GAS7: variants seen among roughly 807,000 people sequenced by gnomAD.
GAS7 encodes the protein growth arrest specific 7, also known as growth arrest-specific protein 7.
Under a neutral mutation model 71.1 loss-of-function variants are expected in GAS7, and 28 were observed. The observed-to-expected ratio is 0.39, with a 90% CI of 0.29 to 0.54. The LOEUF (loss-of-function observed/expected upper bound fraction) is 0.54. Among genes scored for constraint, GAS7 ranks in the 20% least tolerant of loss-of-function variants. The probability of loss-of-function intolerance (pLI) is 0.62; values close to 1 mark genes in which losing one functional copy is unlikely to be tolerated. For missense variants in GAS7, 436 were observed against 627.8 expected (o/e 0.69, Z 3.27); for synonymous variants, 258 against 245.8 (o/e 1.05, Z -0.46).
intron 1 of GAS7, among the ~76,000 whole-genome samples, chr17:10,127,106 G>A (rs957730233): frequency 6.6e-6 from 1 of 152,188 alleles, no homozygotes; most frequent in Non-Finnish European, 1.5e-5. Context: ...AATTGGGAGA[G>A]TGTGGATTTC....
chr17:9,980,031 C>T (rs1416427654), intron 3 of GAS7, among the ~76,000 whole-genome samples: 1 of 151,872 alleles, frequency 6.6e-6, no homozygotes, highest in Admixed American at 6.6e-5. Context: ...GCCCCATGTC[C>T]CTCCCACACA....
rs577352714 is a variant in GAS7 at position 9,967,696 on chromosome 17, A to G, written c.471+1981T>C. Among the ~76,000 whole-genome samples, 4 of 152,184 alleles carry G rather than the reference A, an allele frequency of 2.6e-5. No individual in the cohort carries two copies. The South Asian group carries it at 8.3e-4, about 32-fold the overall frequency. On this transcript the variant is annotated intron_variant, in intron 4 of 13. Coordinates refer to ENST00000432992, the MANE Select transcript of GAS7 (RefSeq NM_201433.2). ...CAGAAGCATGCTTGCTAATGGCTGC[A>G]TAGTATCACTGGCTAACCTCCAGCG...
chr17:10,145,815 C>T (rs1156929166), intron 1 of GAS7, among the ~76,000 whole-genome samples: 1 of 152,204 alleles, frequency 6.6e-6, no homozygotes, highest in East Asian at 1.9e-4. Flanking sequence ...GAGACACCTC[C>T]CAGCTCTCTA....
intron 9 of GAS7, among the ~76,000 whole-genome samples, chr17:9,933,405 G>C (rs2068278762): frequency 6.6e-6 from 1 of 152,136 alleles, no homozygotes; most frequent in African/African-American, 2.4e-5. Flanking sequence ...TGAGAAACTG[G>C]GCAGGTGTGC....
rs1202070393 is a variant in GAS7 at position 9,931,742 on chromosome 17, T to C, written c.885+2424A>G. ...GGTTAGTTAGCATGCCTTCACTGGC[T>C]GGGAATTCTCACTCACATCTGGGTG... On this transcript the variant is annotated intron_variant, in intron 9 of 13. Transcript: ENST00000432992. Among the ~76,000 whole-genome samples, 6 of 152,332 alleles carry C rather than the reference T, an allele frequency of 3.9e-5. No individual in the cohort carries two copies. In the East Asian group the frequency reaches 1.2e-3, roughly 29 times the overall value.
chr17:10,131,862 G>A (rs940606979), intron 1 of GAS7, among the ~76,000 whole-genome samples: 5 of 152,086 alleles, frequency 3.3e-5, no homozygotes, highest in Middle Eastern at 3.4e-3. Flanking sequence ...AACATGACAT[G>A]AATGTATAAA....
At chr17:10,054,461 C>A (rs2073108301) in intron 1 of GAS7, among the ~76,000 whole-genome samples, 1 of 152,048 alleles carries the variant, frequency 6.6e-6, no homozygotes, top group African/African-American at 2.4e-5. Context: ...TAATGGAAAA[C>A]CTGCAGATTT....
intron 1 of GAS7, among the ~76,000 whole-genome samples, chr17:10,142,257 TAAC>T (rs1351197111): frequency 2.6e-5 from 4 of 151,192 alleles, no homozygotes; most frequent in Non-Finnish European, 1.5e-5. Context: ...GTTACAAAGA[TAAC>T]TACCAGAACT....
At chr17:10,174,713 T>A (rs74408291) in intron 1 of GAS7, among the ~76,000 whole-genome samples, 29,390 of 149,996 alleles carry the variant, frequency 0.2, 2,982 homozygotes, top group Middle Eastern at 0.25. Flanking sequence ...TTAAAAAAAA[T>A]AAAAAACAAT....
chr17:10,121,879 A>T (rs1400202356), intron 1 of GAS7, among the ~76,000 whole-genome samples: 1 of 152,128 alleles, frequency 6.6e-6, no homozygotes, highest in Non-Finnish European at 1.5e-5. Context: ...CCAGCATGGA[A>T]TGCACCCCCT....
rs1010535055 is a variant in GAS7 at position 9,981,719 on chromosome 17, G to A, written c.385+85C>T. 1.2e-6 allele frequency: 1 copy of A among 815,120 alleles called. No homozygotes were observed. The highest frequency in any genetic ancestry group is 1.7e-5 in the African/African-American group (1 of 59,136). The allele number at this position is 815,120 out of a possible 1,614,324, so 50.5% of individuals were successfully genotyped here. The stretch of plus-strand genomic sequence containing the variant: ...GGTTTGCTACATCAGCCAGGTTTAA[G>A]ACCCAGGACCCATCATCTCAGCCTC... On this transcript the variant is annotated intron_variant, in intron 3 of 13. Coordinates refer to ENST00000432992, the MANE Select transcript of GAS7 (RefSeq NM_201433.2). The surrounding 1 kb of genome is among the most constrained non-coding windows in gnomAD (Gnocchi z 4.4).
chr17:10,053,546 A>G lies in GAS7; in HGVS notation c.184-33649T>C, dbSNP rs1265416202. 2.6e-5 allele frequency among the ~76,000 whole-genome samples: 4 copies of G among 152,206 alleles called. No individual in the cohort carries two copies. The East Asian group carries it at 7.7e-4, about 29-fold the overall frequency. On this transcript the variant is annotated intron_variant, in intron 1 of 13. Transcript: ENST00000432992. The stretch of plus-strand genomic sequence containing the variant: ...CTTGTTTGTAGGGTCACACACCACC[A>G]GCCCCATGGGAAGGGAGCCCAGGAA...
intron 5 of GAS7, among the ~76,000 whole-genome samples, chr17:9,947,661 T>G (rs1464305677): frequency 2.6e-5 from 4 of 151,920 alleles, no homozygotes; most frequent in African/African-American, 7.3e-5. Context: ...GGAGAACCAC[T>G]TGGACCCGGG....
chr17:9,917,889 G>T (rs572643880), intron 13 of GAS7, 112 bp downstream of exon 13: 10 of 723,472 alleles, frequency 1.4e-5, no homozygotes, highest in Non-Finnish European at 1.8e-5. Context: ...CCCACTGCCC[G>T]CCTTTAGGGC....
chr17:10,193,336 T>C (rs1164835345), intron 1 of GAS7, among the ~76,000 whole-genome samples: 5 of 150,978 alleles, frequency 3.3e-5, no homozygotes, highest in African/African-American at 1.2e-4. Flanking sequence ...TACCTCCCTC[T>C]TGGGGTTCTC....
rs2067725937 is a variant in GAS7, at chr17:9,919,729, T to C, written c.1139-24A>G. On this transcript the variant is annotated intron_variant, in intron 11 of 13. Coordinates refer to ENST00000432992, the MANE Select transcript of GAS7 (RefSeq NM_201433.2). This position sits in a 1 kb window ranked among gnomAD's most constrained non-coding sequence, Gnocchi z 5.0. ...TCCTGGAAAAAGACCACAGTCACCA[T>C]CATGAAGCATCCTATCCTCACCATG... The C allele has an allele frequency of 6.5e-7, 1 of 1,538,666 alleles. No individual in the cohort carries two copies.
chr17:10,071,641 A>T (rs1406968884), intron 1 of GAS7, among the ~76,000 whole-genome samples: 4 of 152,048 alleles, frequency 2.6e-5, no homozygotes, highest in African/African-American at 9.7e-5. Context: ...AAAACAAATA[A>T]AGGCCAGGCG....
At position 10,103,208 on chromosome 17, in the gene GAS7, G is replaced by T. The variant is rs116504502; in HGVS notation, c.184-83311C>A. On this transcript the variant is annotated intron_variant, in intron 1 of 13. Transcript: ENST00000432992. This position sits in a 1 kb window ranked among gnomAD's most constrained non-coding sequence, Gnocchi z 5.5. Reference sequence around the variant, plus strand: ...CCTCTAAAAAAATTAGCCAGGCGTGGTGGTGCACACTTGTGGTCCTAGCTA... The same window carrying T: ...CCTCTAAAAAAATTAGCCAGGCGTGTTGGTGCACACTTGTGGTCCTAGCTA... Among the ~76,000 whole-genome samples, 804 of 152,068 alleles carry T rather than the reference G, an allele frequency of 5.3e-3. 14 individuals are homozygous for T. The highest frequency in any genetic ancestry group is 0.018 in the African/African-American group (748 of 41,494).
intron 2 of GAS7, among the ~76,000 whole-genome samples, chr17:10,014,739 T>C (rs1378778680): frequency 3.3e-5 from 5 of 152,124 alleles, no homozygotes; most frequent in African/African-American, 9.7e-5. Flanking sequence ...TCTGGCCCTA[T>C]TAGAACTGCA....
Sources: allele counts gnomAD v4.1 joint callset (sites outside exome capture counted in the v4.1 genomes callset), GRCh38; gene constraint gnomAD v4.1.1; non-coding constraint Gnocchi (gnomAD v3.1); transcripts MANE v1.5; gene names NCBI Gene and HGNC (gene_info 2026-07-23, HGNC 2026-07-21).